TGFB1: variants seen among roughly 807,000 people sequenced by gnomAD.
TGFB1 encodes transforming growth factor beta 1.
Under a neutral mutation model 43.8 loss-of-function variants are expected in TGFB1, and 19 were observed. The observed-to-expected ratio is 0.43, with a 90% CI of 0.30 to 0.64. TGFB1 has a LOEUF of 0.64. Ranked by LOEUF, TGFB1 falls within the 30% of genes least tolerant of loss-of-function variation. The pLI is 0.11. For synonymous variants in TGFB1, 221 were observed against 236.3 expected, an observed-to-expected ratio of 0.94 and a Z score of 0.60; for missense variants, 445 against 529.8, an observed-to-expected ratio of 0.84 and a Z score of 1.57.
Position 41,344,801 on chromosome 19 carries a change from C to G in TGFB1, c.580G>C (p.Glu194Gln), listed in dbSNP as rs1248304512. ...NRLLAPSDSPEWLSFDVTGVV... is the reference protein window; with the variant it reads ...NRLLAPSDSPQWLSFDVTGVV... ...CCGGTGACATCAAAAGATAACCACT[C>G]TGGCGAGTCGCTGGGTGCCAGCAGC... The change falls in exon 3 of 7, where the codon GAG becomes CAG. Residue 194 changes from glutamate (E) to glutamine (Q), a missense_variant. Coordinates refer to ENST00000221930, the MANE Select transcript of TGFB1 (RefSeq NM_000660.7). The G allele has an allele frequency of 6.2e-7, 1 of 1,613,272 alleles. No homozygotes were observed. The highest frequency in any genetic ancestry group is 1.7e-5 in the Admixed American group (1 of 59,854).
intron 5 of TGFB1, among the ~76,000 whole-genome samples, chr19:41,341,037 A>G: frequency 6.6e-6 from 1 of 152,128 alleles, no homozygotes; most frequent in South Asian, 2.1e-4. Flanking sequence ...CCAACACTCC[A>G]GCAAGAAAGC....
chr19:41,339,933 G>A (rs1431016593), intron 5 of TGFB1, among the ~76,000 whole-genome samples: 1 of 152,164 alleles, frequency 6.6e-6, no homozygotes, highest in East Asian at 1.9e-4. Flanking sequence ...GAAACAGCCG[G>A]TAACAAAGCC....
At position 41,330,937 on chromosome 19, in the gene TGFB1, C is replaced by A; in HGVS notation, c.*115G>T. On this transcript the variant is annotated 3_prime_UTR_variant, in exon 7 of 7. Coordinates refer to ENST00000221930, the MANE Select transcript of TGFB1 (RefSeq NM_000660.7). The stretch of plus-strand genomic sequence containing the variant: ...AGTCCTCTCTCCATCTTTAATGGGG[C>A]CCCAGGTGGGCTTGGGGCACGGGTG... 1.0e-6 allele frequency: 1 copy of A among 1,001,104 alleles called. No individual in the cohort carries two copies. Among genetic ancestry groups the A allele is most frequent in the Non-Finnish European group, 1.4e-6 (1 of 723,946 alleles). The allele number at this position is 1,001,104 out of a possible 1,614,324, so 62.0% of individuals were successfully genotyped here. A position where few individuals can be genotyped will look rare whatever the true frequency, so the allele number is the denominator to read the frequency against.
In TGFB1 at chr19:41,332,132, C is replaced by T. The variant is rs199699574; in HGVS notation, c.1010G>A (p.Ser337Asn). Residue 337 changes from serine (S) to asparagine (N), a missense_variant, in exon 6 of 7, where the codon AGC becomes AAC. Ser to Asn is a conservative substitution (Grantham distance 46). This residue lies in a region of TGFB1 where 23 missense variants were observed against 54.1 expected (regional missense o/e 0.42). Transcript: ENST00000221930. ...AGCCCGGTGGGCCAGACGTACCTTG[C>T]TGTACTGCGTGTCCAGGCTCCAAAT... ...PYIWSLDTQY[S>N]KVLALYNQHN... 3 of 1,613,584 alleles carry T rather than the reference C, an allele frequency of 1.9e-6. No homozygotes were observed. The highest frequency in any genetic ancestry group is 1.7e-6 in the Non-Finnish European group (2 of 1,179,660).
At chr19:41,335,305 C>T (rs549994205) in intron 5 of TGFB1, among the ~76,000 whole-genome samples, 2 of 152,238 alleles carry the variant, frequency 1.3e-5, no homozygotes, top group East Asian at 1.9e-4. Context: ...CCACCCACCT[C>T]GGCCTCCCAA....
At chr19:41,344,181 G>A (rs867223804) in intron 3 of TGFB1, among the ~76,000 whole-genome samples, 12 of 115,958 alleles carry the variant, frequency 1.0e-4, no homozygotes, top group African/African-American at 4.5e-4. Context: ...ACCGGGTTTC[G>A]CCATGTTGCC....
Position 41,341,466 on chromosome 19 carries a change from C to CAAAAAAAAAAA in TGFB1, c.860+406_860+416dup, listed in dbSNP as rs770264069. On this transcript the variant is annotated intron_variant, in intron 5 of 6. Coordinates refer to ENST00000221930, the MANE Select transcript of TGFB1 (RefSeq NM_000660.7). ...CAGGTGACAGAGCGAGACTCTGTCTCAAAAAAAAAAAAAAAAAAAAAAAAA... is the reference window on the plus strand; with the variant it reads ...CAGGTGACAGAGCGAGACTCTGTCTCAAAAAAAAAAAAAAAAAAAAAAAAAAAAAAAAAAAA... 5.9e-4 allele frequency among the ~76,000 whole-genome samples: 21 copies of CAAAAAAAAAAA among 35,582 alleles called. 4 individuals are homozygous for CAAAAAAAAAAA. The highest frequency in any genetic ancestry group is 2.0e-3 in the African/African-American group (16 of 8,010). 23.3% of individuals were successfully genotyped at this position (35,582 alleles called of 152,430 possible).
Position 41,331,135 on chromosome 19 carries a change from G to T in TGFB1, c.1090C>A (p.Leu364Met). ...PCCVPQALEP[L>M]PIVYYVGRKP... ...CGGCCCACGTAGTACACGATGGGCA[G>T]CGGCTCCAGCGCCTGCGGCACGCAG... The change falls in exon 7 of 7, where the codon CTG (leucine) becomes ATG (methionine). Residue 364 changes from leucine to methionine, a missense_variant. Leu to Met is a conservative substitution (Grantham distance 15). Around this residue, in one of 3 missense-constraint regions of TGFB1, gnomAD observed 56 missense variants for 46.9 expected, o/e 1.19. Transcript: ENST00000221930. 6.4e-7 allele frequency: 1 copy of T among 1,572,618 alleles called. No individual in the cohort carries two copies. The highest frequency in any genetic ancestry group is 8.6e-7 in the Non-Finnish European group (1 of 1,161,236).
chr19:41,332,305 G>C, intron 5 of TGFB1, 24 bp from the exon 6 acceptor site: 1 of 1,606,500 alleles, frequency 6.2e-7, no homozygotes, highest in Admixed American at 1.7e-5. Flanking sequence ...AGACGCGTCA[G>C]GGGCAGGGAG....
At chr19:41,333,333 CT>C (rs1198861678) in intron 5 of TGFB1, among the ~76,000 whole-genome samples, 1 of 150,624 alleles carries the variant, frequency 6.6e-6, no homozygotes, top group Non-Finnish European at 1.5e-5. Context: ...CTGCCTCAGC[CT>C]TCCGAGTAGC....
rs28365167 is a variant in TGFB1 at position 41,342,038 on chromosome 19, G to C, written c.713-8C>G. ...GGCGGCCGGTAGTGAACCCTGCTTTGGTGTGGGAGTCAGGGGATAGGGGAC... is the reference window on the plus strand; with the variant it reads ...GGCGGCCGGTAGTGAACCCTGCTTTCGTGTGGGAGTCAGGGGATAGGGGAC... On this transcript the variant is annotated splice_polypyrimidine_tract_variant and splice_region_variant and intron_variant, in intron 4 of 6. Coordinates refer to ENST00000221930, the MANE Select transcript of TGFB1 (RefSeq NM_000660.7). 1 of 1,567,600 alleles carries C rather than the reference G, an allele frequency of 6.4e-7. No individual in the cohort carries two copies. The highest frequency in any genetic ancestry group is 8.8e-7 in the Non-Finnish European group (1 of 1,140,618).
chr19:41,347,108 G>A (rs2038124877), intron 2 of TGFB1, among the ~76,000 whole-genome samples: 3 of 151,494 alleles, frequency 2.0e-5, no homozygotes, highest in African/African-American at 4.9e-5. Context: ...CTACAGCCTC[G>A]ACCTCCTGGG....
chr19:41,344,768 G>C lies in TGFB1; in HGVS notation c.613C>G (p.Arg205Gly), dbSNP rs199882566. ...WLSFDVTGVV[R>G]QWLSRGGEIE... ...TCACCTCCACGGCTCAACCACTGCC[G>C]CACAACTCCGGTGACATCAAAAGAT... Residue 205 changes from arginine (R) to glycine (G), a missense_variant, in exon 3 of 7, where the codon CGG (arginine) becomes GGG (glycine). Arg to Gly is a moderately radical substitution (Grantham distance 125). Transcript: ENST00000221930. 1.2e-6 allele frequency: 2 copies of C among 1,613,736 alleles called. No individual in the cohort carries two copies. Among genetic ancestry groups the C allele is most frequent in the African/African-American group, 2.7e-5 (2 of 74,914 alleles).
intron 5 of TGFB1, among the ~76,000 whole-genome samples, chr19:41,338,496 C>CAA (rs377737422): frequency 1.8e-4 from 21 of 119,766 alleles, no homozygotes; most frequent in Non-Finnish European, 2.0e-4. Flanking sequence ...AACTCCGTCT[C>CAA]AAAAAAAAAA....
chr19:41,339,180 G>T (rs185964326), intron 5 of TGFB1, among the ~76,000 whole-genome samples: 84 of 150,392 alleles, frequency 5.6e-4, no homozygotes, highest in Admixed American at 5.6e-3. Flanking sequence ...ATGCAGTGGC[G>T]TGATCCTGGC....
At chr19:41,332,377 C>T (rs886719687) in intron 5 of TGFB1, 96 bp from the exon 6 acceptor site, 3 of 1,421,504 alleles carry the variant, frequency 2.1e-6, no homozygotes, top group Non-Finnish European at 2.9e-6. Flanking sequence ...CCCTAGGTTG[C>T]CCCCCCAGCC....
At chr19:41,339,768 G>A (rs1295946311) in intron 5 of TGFB1, among the ~76,000 whole-genome samples, 1 of 152,130 alleles carries the variant, frequency 6.6e-6, no homozygotes, top group African/African-American at 2.4e-5. Context: ...AGGTTGCAGT[G>A]AGCCGAGATC....
chr19:41,337,150 A>AT (rs1295935685), intron 5 of TGFB1, among the ~76,000 whole-genome samples: 1 of 150,898 alleles, frequency 6.6e-6, no homozygotes, highest in Admixed American at 6.6e-5. Context: ...TTATTTATTT[A>AT]TTTTTTTGAG....
intron 2 of TGFB1, among the ~76,000 whole-genome samples, chr19:41,346,374 A>G (rs2038116469): frequency 1.3e-5 from 2 of 152,160 alleles, no homozygotes; most frequent in Admixed American, 6.5e-5. Flanking sequence ...AAAAAGAAGA[A>G]TTTTCTGGGG....
Sources: allele counts gnomAD v4.1 joint callset (sites outside exome capture counted in the v4.1 genomes callset), GRCh38; gene constraint gnomAD v4.1.1; regional missense constraint gnomAD v4.1.1; transcripts MANE v1.5; gene names NCBI Gene and HGNC (gene_info 2026-07-23, HGNC 2026-07-21).